The following OPA1 variants were observed in gnomAD, a reference collection of about 807,000 sequenced individuals.
OPA1 encodes the protein OPA1 mitochondrial dynamin like GTPase, also known as dynamin-like GTPase OPA1, mitochondrial.
OPA1 carries 59 observed loss-of-function variants against 152.9 expected under a neutral mutation model. The ratio of observed to expected loss-of-function variants is 0.39; its 90% confidence interval spans 0.31 to 0.48. The LOEUF (loss-of-function observed/expected upper bound fraction) is 0.48. Among genes scored for constraint, OPA1 ranks in the 20% least tolerant of loss-of-function variants. The pLI is 0.96. For synonymous variants in OPA1, 400 were observed against 389.9 expected, an observed-to-expected ratio of 1.03 and a Z score of -0.31; for missense variants, 1,008 against 1,216.8, an observed-to-expected ratio of 0.83 and a Z score of 2.55.
intron 27 of OPA1, among the ~76,000 whole-genome samples, chr3:193,665,506 C>CACA (rs1716323986): frequency 6.6e-6 from 1 of 152,048 alleles, no homozygotes; most frequent in African/African-American, 2.4e-5. Context: ...ATCACTAAAT[C>CACA]TTGTTTTAAA....
intron 1 of OPA1, among the ~76,000 whole-genome samples, chr3:193,612,025 C>G (rs1728327367): frequency 6.6e-6 from 1 of 152,114 alleles, no homozygotes; most frequent in South Asian, 2.1e-4. Flanking sequence ...TGCTGCCATC[C>G]ATTTCTGAGC....
At chr3:193,690,543 G>T (rs916044923) in intron 29 of OPA1, among the ~76,000 whole-genome samples, 1 of 152,050 alleles carries the variant, frequency 6.6e-6, no homozygotes, top group East Asian at 1.9e-4. Context: ...ACTGGAAAAA[G>T]AATATGAAAA....
intron 21 of OPA1, among the ~76,000 whole-genome samples, chr3:193,652,633 A>G (rs945242879): frequency 1.3e-5 from 2 of 152,206 alleles, no homozygotes; most frequent in African/African-American, 4.8e-5. Flanking sequence ...TTGAGGACAG[A>G]GGACAATCAC....
chr3:193,640,450 A>G (rs930407035), intron 11 of OPA1, among the ~76,000 whole-genome samples: 3 of 152,184 alleles, frequency 2.0e-5, no homozygotes, highest in African/African-American at 7.2e-5. Flanking sequence ...GAACATAGAA[A>G]CCAGTCGTTG....
At chr3:193,619,254 C>G (rs549960515) in intron 6 of OPA1, among the ~76,000 whole-genome samples, 7 of 152,250 alleles carry the variant, frequency 4.6e-5, no homozygotes, top group African/African-American at 1.4e-4. Context: ...TCTTTTCTTT[C>G]CCTAGGACCT....
rs934358899 is a variant in OPA1 at position 193,607,673 on chromosome 3, TA to T, written c.33-7049del. On this transcript the variant is annotated intron_variant, in intron 1 of 30. Transcript: ENST00000361510. ...TGCTGTTTTGGTGACTGTAGCCTTGTATAGTTTGAAGTCAGGTAGCGTGATG... is the reference window on the plus strand; with the variant it reads ...TGCTGTTTTGGTGACTGTAGCCTTGTTAGTTTGAAGTCAGGTAGCGTGATG... 9.5e-4 allele frequency among the ~76,000 whole-genome samples: 144 copies of T among 152,314 alleles called. 1 individual carries two copies. The highest frequency in any genetic ancestry group is 3.2e-3 in the African/African-American group (135 of 41,568).
intron 4 of OPA1, 62 bp downstream of exon 4, chr3:193,617,347 G>C: frequency 6.3e-6 from 6 of 949,760 alleles, no homozygotes; most frequent in Non-Finnish European, 1.0e-5. Flanking sequence ...AAAATACATG[G>C]ATTATTTGTT....
In OPA1 at chr3:193,654,916, A is replaced by C; in HGVS notation, c.2067A>C (p.Glu689Asp). The change falls in exon 22 of 31, where the codon GAA becomes GAC. Residue 689 changes from glutamate (E) to aspartate (D), a missense_variant. By Grantham distance (45) the Glu-to-Asp change is conservative. Around this residue, in one of 7 missense-constraint regions of OPA1, gnomAD observed 229 missense variants for 269.0 expected, o/e 0.85. Transcript: ENST00000361510. ...AAAGAGTATCAACTCATGTGATTGA[A>C]AACATCTACCTTCCAGCTGCGCAGA... Reference protein sequence around the residue: ...LWERVSTHVIENIYLPAAQTM... With the variant: ...LWERVSTHVIDNIYLPAAQTM... 1 of 1,613,956 alleles carries C rather than the reference A, an allele frequency of 6.2e-7. No homozygotes were observed. The highest frequency in any genetic ancestry group is 1.7e-5 in the Admixed American group (1 of 60,016).
At chr3:193,644,994 CTTT>C (rs77645504) in intron 16 of OPA1, among the ~76,000 whole-genome samples, 1 of 140,892 alleles carries the variant, frequency 7.1e-6, no homozygotes, top group African/African-American at 2.6e-5. Context: ...GGTACATAGT[CTTT>C]TTTTTTTTTT....
In OPA1 at chr3:193,688,444, C is replaced by CTTTTTTTTT. The variant is rs1560079327; in HGVS notation, c.2984-3615_2984-3614insTTTTTTTTT. Among the ~76,000 whole-genome samples the CTTTTTTTTT allele has an allele frequency of 1.3e-4, 5 of 38,520 alleles. 1 individual carries two copies. The highest frequency in any genetic ancestry group is 1.8e-4 in the Non-Finnish European group (3 of 16,846). The allele number at this position is 38,520 out of a possible 152,430, so 25.3% of individuals were successfully genotyped here. On this transcript the variant is annotated intron_variant, in intron 29 of 30. Coordinates refer to ENST00000361510, the MANE Select transcript of OPA1 (RefSeq NM_130837.3). ...TTCCCTGATTTTTACTGAAATGGGT[C>CTTTTTTTTT]TTTTCTTTTTTTTTTTTTTTTTTTT... is the stretch of plus-strand genomic sequence containing the variant.
intron 29 of OPA1, chr3:193,668,820 C>T: frequency 1.7e-6 from 2 of 1,145,522 alleles, no homozygotes; most frequent in Non-Finnish European, 2.2e-6. Flanking sequence ...CTTGTAGGTT[C>T]CTAGCTTTAA....
At chr3:193,666,450 A>G in intron 28 of OPA1, 61 bp downstream of exon 28, 2 of 1,322,106 alleles carry the variant, frequency 1.5e-6, no homozygotes, top group African/African-American at 1.4e-5. Flanking sequence ...GGTAATATCC[A>G]TATTTAATAG....
At chr3:193,692,873 C>T (rs1721867742) in intron 30 of OPA1, among the ~76,000 whole-genome samples, 1 of 152,242 alleles carries the variant, frequency 6.6e-6, no homozygotes, top group African/African-American at 2.4e-5. Flanking sequence ...CCTCCCACAT[C>T]AGCCTCTCAA....
At chr3:193,603,165 T>C (rs1726721028) in intron 1 of OPA1, among the ~76,000 whole-genome samples, 1 of 152,252 alleles carries the variant, frequency 6.6e-6, no homozygotes, top group South Asian at 2.1e-4. Context: ...TGATGAGCTG[T>C]GGAGAGCTTT....
intron 1 of OPA1, among the ~76,000 whole-genome samples, chr3:193,604,551 G>A (rs1726932943): frequency 6.6e-6 from 1 of 152,112 alleles, no homozygotes; most frequent in Non-Finnish European, 1.5e-5. Flanking sequence ...CCAAATAGTG[G>A]ACTTTTTCTT....
At chr3:193,643,282 T>C (rs932110948) in intron 13 of OPA1, 91 bp from the exon 14 acceptor site, 25 of 1,042,082 alleles carry the variant, frequency 2.4e-5, no homozygotes, top group South Asian at 6.5e-5. Context: ...GGATGAGATA[T>C]AGAATTTTTA....
At chr3:193,608,068 T>C (rs1484474211) in intron 1 of OPA1, among the ~76,000 whole-genome samples, 1 of 152,220 alleles carries the variant, frequency 6.6e-6, no homozygotes, top group African/African-American at 2.4e-5. Flanking sequence ...TGTTTGTCTG[T>C]TATTGGTATA....
At chr3:193,639,732 G>T (rs914122311) in intron 11 of OPA1, among the ~76,000 whole-genome samples, 3 of 152,234 alleles carry the variant, frequency 2.0e-5, no homozygotes, top group African/African-American at 7.2e-5. Context: ...CTTTTAAAAG[G>T]CTGCTCTTTT....
intron 8 of OPA1, 175 bp downstream of exon 8, chr3:193,631,840 A>G (rs1479410761): frequency 3.6e-5 from 23 of 641,086 alleles, no homozygotes; most frequent in Non-Finnish European, 6.4e-5. Flanking sequence ...TAAAGACAGA[A>G]CTAGATAAGT....
Sources: gnomAD v4.1 joint callset for allele counts (sites outside exome capture counted in the v4.1 genomes callset) on GRCh38, gnomAD v4.1.1 for gene constraint, gnomAD v4.1.1 regional missense constraint, MANE v1.5 for transcripts, NCBI Gene and HGNC (gene_info 2026-07-23, HGNC 2026-07-21) for gene names.